Variants in RNF216 observed in about 807,000 individuals in gnomAD.
RNF216 encodes E3 ubiquitin-protein ligase RNF216.
In RNF216, 72 loss-of-function variants were observed where a neutral mutation model predicts 110.8. The ratio of observed to expected loss-of-function variants is 0.65; its 90% CI spans 0.54 to 0.79. The LOEUF is 0.79. Ranked by LOEUF, RNF216 falls within the 30% of genes least tolerant of loss-of-function variation. RNF216 has a pLI of 0.00. For synonymous variants in RNF216, 495 were observed against 407.5 expected, an observed-to-expected ratio of 1.21 and a Z score of -2.59; for missense variants, 1,342 against 1,141.2, an observed-to-expected ratio of 1.18 and a Z score of -2.54.
intron 3 of RNF216, among the ~76,000 whole-genome samples, chr7:5,746,104 C>T (rs545946381): frequency 2.7e-4 from 41 of 152,122 alleles, no homozygotes; most frequent in Non-Finnish European, 5.4e-4. Context: ...CGGCTAACTC[C>T]CTTTTTTGGG....
At chr7:5,757,976 T>C (rs1211347095) in intron 2 of RNF216, among the ~76,000 whole-genome samples, 3 of 152,138 alleles carry the variant, frequency 2.0e-5, no homozygotes, top group Admixed American at 6.5e-5. Flanking sequence ...CCAGGCAACA[T>C]AGTGAGACCC....
chr7:5,652,309 G>A lies in RNF216; in HGVS notation c.2159+104C>T, dbSNP rs2302482. On this transcript the variant is annotated intron_variant, in intron 14 of 16. Coordinates refer to ENST00000389902, the MANE Select transcript of RNF216 (RefSeq NM_207111.4). ...CCCAAGATCACTCCAGACTGGGGTGGCTCAAGCGTGTTCTTCCGACAACAG... is the reference window on the plus strand; with the variant it reads ...CCCAAGATCACTCCAGACTGGGGTGACTCAAGCGTGTTCTTCCGACAACAG... 2.3e-5 allele frequency: 18 copies of A among 796,644 alleles called. No individual in the cohort carries two copies. The East Asian group carries it at 2.8e-4, about 12-fold the overall frequency. The allele number at this position is 796,644 out of a possible 1,614,324, so 49.3% of individuals were successfully genotyped here.
chr7:5,747,926 G>C (rs996134740), intron 3 of RNF216, among the ~76,000 whole-genome samples: 6 of 152,048 alleles, frequency 3.9e-5, no homozygotes, highest in Non-Finnish European at 7.4e-5. Context: ...TACAGGTTTT[G>C]AGCCACTGTG....
At chr7:5,704,947 AAC>A (rs143093987) in intron 13 of RNF216, among the ~76,000 whole-genome samples, 2,123 of 152,348 alleles carry the variant, frequency 0.014, 39 homozygotes, top group African/African-American at 0.048. Flanking sequence ...ATGTAATCAT[AAC>A]ACACATTCTC....
At chr7:5,702,224 T>C (rs953921734) in intron 13 of RNF216, among the ~76,000 whole-genome samples, 3 of 151,752 alleles carry the variant, frequency 2.0e-5, no homozygotes, top group Admixed American at 6.6e-5. Context: ...GCAGAGGGAG[T>C]GGGAGTGGCA....
chr7:5,698,801 A>C (rs1309000628), intron 13 of RNF216, among the ~76,000 whole-genome samples: 1 of 152,188 alleles, frequency 6.6e-6, no homozygotes, highest in Non-Finnish European at 1.5e-5. Flanking sequence ...CTACACAGGA[A>C]ACCTTCCCTC....
At position 5,629,826 on chromosome 7, in the gene RNF216, CAAAAAAA is replaced by C. The variant is rs34172457; in HGVS notation, c.2383-5708_2383-5702del. 5.6e-5 allele frequency among the ~76,000 whole-genome samples: 3 copies of C among 54,044 alleles called. No individual in the cohort carries two copies. The East Asian group carries it at 1.5e-3, about 27-fold the overall frequency. The allele number at this position is 54,044 out of a possible 152,430, so 35.5% of individuals were successfully genotyped here. A position where few individuals can be genotyped will look rare whatever the true frequency, so the allele number is the denominator to read the frequency against. On this transcript the variant is annotated intron_variant, in intron 15 of 16. Transcript: ENST00000389902. ...TGGGCAACAGAGCAAGACTCTGTCT[CAAAAAAA>C]AAAAAAAAAAAAAAAAGAGGGAGGG...
At position 5,739,235 on chromosome 7, in the gene RNF216, C is replaced by T. The variant is rs765318126; in HGVS notation, c.1121+41G>A. On this transcript the variant is annotated intron_variant, in intron 5 of 16. Transcript: ENST00000389902. The stretch of plus-strand genomic sequence containing the variant: ...ATTTTTTATTACATATATTTTACCA[C>T]CACCACCACCACCACAAAAAAAGCA... 21 of 1,492,860 alleles carry T rather than the reference C, an allele frequency of 1.4e-5. No homozygotes were observed. The highest frequency in any genetic ancestry group is 5.0e-5 in the Admixed American group (2 of 39,728). 92.5% of individuals were successfully genotyped at this position (1,492,860 alleles called of 1,614,324 possible).
At chr7:5,735,449 A>G (rs1306931125) in intron 5 of RNF216, among the ~76,000 whole-genome samples, 1 of 152,236 alleles carries the variant, frequency 6.6e-6, no homozygotes, top group Non-Finnish European at 1.5e-5. Context: ...AAATTAAAAA[A>G]AGATTAAAAA....
At chr7:5,675,774 A>G (rs557316346) in intron 13 of RNF216, among the ~76,000 whole-genome samples, 19 of 148,362 alleles carry the variant, frequency 1.3e-4, no homozygotes, top group African/African-American at 4.8e-4. Context: ...CAATGGTGCG[A>G]TCTCAGCTCA....
At chr7:5,770,333 T>C (rs899558963) in intron 1 of RNF216, among the ~76,000 whole-genome samples, 2 of 151,882 alleles carry the variant, frequency 1.3e-5, no homozygotes, top group African/African-American at 2.4e-5. Context: ...TGGTGGCACA[T>C]GCCTGTAATC....
chr7:5,661,729 G>T (rs1482272801), intron 13 of RNF216, among the ~76,000 whole-genome samples: 1 of 152,158 alleles, frequency 6.6e-6, no homozygotes, highest in Non-Finnish European at 1.5e-5. Context: ...TTCGAACCTG[G>T]GAGGCAGAGG....
chr7:5,760,841 TATC>T (rs2128670641), intron 2 of RNF216, among the ~76,000 whole-genome samples, 159 bp downstream of exon 2: 2 of 152,372 alleles, frequency 1.3e-5, no homozygotes, highest in African/African-American at 4.8e-5. Flanking sequence ...ATGCCAGCAA[TATC>T]ATTATCTGAT....
rs144947729 is a variant in RNF216, at chr7:5,625,882, C to T, written c.2383-1757G>A. Among the ~76,000 whole-genome samples the T allele has an allele frequency of 4.5e-3, 678 of 152,318 alleles. 8 individuals carry two copies. The highest frequency in any genetic ancestry group is 6.5e-3 in the Non-Finnish European group (441 of 68,036). On this transcript the variant is annotated intron_variant, in intron 15 of 16. Transcript: ENST00000389902. ...TTAAATTCTCCTACATTCTCTAGGC[C>T]TCAGATGCCAAGTGATGGGTTTGGA...
intron 13 of RNF216, among the ~76,000 whole-genome samples, chr7:5,673,360 T>C (rs931926130): frequency 1.3e-5 from 2 of 152,158 alleles, no homozygotes; most frequent in Non-Finnish European, 2.9e-5. Flanking sequence ...GGGCTGGAGA[T>C]AGCTCTGTGG....
intron 2 of RNF216, among the ~76,000 whole-genome samples, chr7:5,753,346 A>T (rs1562462960): frequency 6.6e-6 from 1 of 152,218 alleles, no homozygotes; most frequent in South Asian, 2.1e-4. Context: ...TATTTTATTT[A>T]AATTGTTTGG....
At chr7:5,749,714 G>A (rs1454050587) in intron 3 of RNF216, among the ~76,000 whole-genome samples, 3 of 152,170 alleles carry the variant, frequency 2.0e-5, no homozygotes, top group Non-Finnish European at 4.4e-5. Context: ...AGATGTATAT[G>A]CGAAAAATGA....
chr7:5,747,680 G>A (rs1266740117), intron 3 of RNF216, among the ~76,000 whole-genome samples: 3 of 140,914 alleles, frequency 2.1e-5, no homozygotes, highest in African/African-American at 5.3e-5. Flanking sequence ...AACCTGGGAC[G>A]TGCATGTTGC....
intron 1 of RNF216, among the ~76,000 whole-genome samples, chr7:5,764,804 T>C (rs1337831155): frequency 1.3e-5 from 2 of 152,094 alleles, no homozygotes; most frequent in Non-Finnish European, 2.9e-5. Context: ...CAGTGGCTCA[T>C]GCCTATAATC....
Sources: gnomAD v4.1 joint callset for allele counts (sites outside exome capture counted in the v4.1 genomes callset) on GRCh38, gnomAD v4.1.1 for gene constraint, MANE v1.5 for transcripts, NCBI Gene and HGNC (gene_info 2026-07-23, HGNC 2026-07-21) for gene names.